Variants in RNF169 observed in about 807,000 individuals in gnomAD.
RNF169 encodes the protein ring finger protein 169, also known as E3 ubiquitin-protein ligase RNF169.
A neutral mutation model predicts 53.9 loss-of-function variants in RNF169; 24 were observed. That is an observed-to-expected ratio of 0.45 (90% CI 0.32 to 0.63). The LOEUF is 0.63. RNF169 is among the 20% of genes least tolerant of loss of function. The probability of loss-of-function intolerance (pLI) is 0.04; values close to 1 mark genes in which losing one functional copy is unlikely to be tolerated. For missense variants in RNF169, 883 were observed against 906.2 expected (o/e 0.97, Z 0.33); for synonymous variants, 396 against 363.5 (o/e 1.09, Z -1.02).
intron 1 of RNF169, among the ~76,000 whole-genome samples, chr11:74,782,817 G>T (rs2035435354): frequency 6.6e-6 from 1 of 151,060 alleles, no homozygotes; most frequent in Non-Finnish European, 1.5e-5. Context: ...ACAAGCTTTT[G>T]AATTCATCAT....
intron 1 of RNF169, among the ~76,000 whole-genome samples, chr11:74,768,566 C>T (rs2035210363): frequency 6.6e-6 from 1 of 150,524 alleles, no homozygotes; most frequent in African/African-American, 2.5e-5. Context: ...GAGATCACGC[C>T]ACTGCACTGC....
At chr11:74,805,755 G>C (rs2135110719) in intron 2 of RNF169, among the ~76,000 whole-genome samples, 1 of 152,132 alleles carries the variant, frequency 6.6e-6, no homozygotes, top group East Asian at 1.9e-4. Flanking sequence ...GAATAAGAGA[G>C]ATTTGAACTA....
In RNF169 at chr11:74,771,672, C is replaced by CTT. The variant is rs1473968700; in HGVS notation, c.503-17953_503-17952insTT. Among the ~76,000 whole-genome samples, 8 of 152,168 alleles carry CTT rather than the reference C, an allele frequency of 5.3e-5. No homozygotes were observed. The East Asian group carries it at 1.5e-3, about 29-fold the overall frequency. ...AGAGCTATGATTGCATCACTAAACT[C>CTT]TAACCTGGGTGACAGGGCAAGACTT... On this transcript the variant is annotated intron_variant, in intron 1 of 5. Coordinates refer to ENST00000299563, the MANE Select transcript of RNF169 (RefSeq NM_001098638.2).
chr11:74,793,508 G>A (rs553141928), intron 2 of RNF169, among the ~76,000 whole-genome samples: 71 of 152,098 alleles, frequency 4.7e-4, no homozygotes, highest in African/African-American at 1.6e-3. Context: ...CTTTTAAAAG[G>A]TATTACTTTA....
chr11:74,822,266 C>T lies in RNF169; in HGVS notation c.842+4552C>T, dbSNP rs139598145. Among the ~76,000 whole-genome samples the T allele has an allele frequency of 1.4e-4, 22 of 152,128 alleles. No homozygotes were observed. In the East Asian group the frequency reaches 4.1e-3, roughly 28 times the overall value. On this transcript the variant is annotated intron_variant, in intron 4 of 5. Coordinates refer to ENST00000299563, the MANE Select transcript of RNF169 (RefSeq NM_001098638.2). Reference sequence around the variant, plus strand: ...TCTAACGTTTTATATCTTGTATGGCCATTTGACACCCTTTAAGCAGTGTTT... The same window carrying T: ...TCTAACGTTTTATATCTTGTATGGCTATTTGACACCCTTTAAGCAGTGTTT...
intron 1 of RNF169, among the ~76,000 whole-genome samples, chr11:74,753,094 G>A (rs531768224): frequency 1.3e-5 from 2 of 152,182 alleles, no homozygotes; most frequent in South Asian, 2.1e-4. Context: ...TCCATCTCCC[G>A]AGTAGCTGGG....
intron 4 of RNF169, among the ~76,000 whole-genome samples, chr11:74,824,790 T>C (rs2036068915): frequency 6.6e-6 from 1 of 152,224 alleles, no homozygotes; most frequent in Non-Finnish European, 1.5e-5. Context: ...ATATCAGCAA[T>C]GTGCAATAAA....
chr11:74,833,102 A>G (rs1156753749), intron 4 of RNF169, among the ~76,000 whole-genome samples: 1 of 152,158 alleles, frequency 6.6e-6, no homozygotes, highest in Non-Finnish European at 1.5e-5. Flanking sequence ...TATTAACACT[A>G]TGTGGCCATA....
intron 1 of RNF169, among the ~76,000 whole-genome samples, chr11:74,757,448 C>T (rs2035003087): frequency 1.4e-5 from 2 of 143,462 alleles, no homozygotes; most frequent in South Asian, 2.3e-4. Context: ...AATAATGCCG[C>T]AGTAAACATA....
At position 74,803,171 on chromosome 11, in the gene RNF169, C is replaced by T. The variant is rs141861023; in HGVS notation, c.577-7013C>T. ...GGTGCAGTCTGCTCACTGCAAGCTCCGCCTCCTGGGTTCATGCTATTCTCC... is the reference window on the plus strand; with the variant it reads ...GGTGCAGTCTGCTCACTGCAAGCTCTGCCTCCTGGGTTCATGCTATTCTCC... On this transcript the variant is annotated intron_variant, in intron 2 of 5. Coordinates refer to ENST00000299563, the MANE Select transcript of RNF169 (RefSeq NM_001098638.2). Among the ~76,000 whole-genome samples, 653 of 151,634 alleles carry T rather than the reference C, an allele frequency of 4.3e-3. 8 individuals are homozygous for T. The highest frequency in any genetic ancestry group is 0.015 in the African/African-American group (617 of 41,098).
At chr11:74,770,531 CAT>C (rs1188783862) in intron 1 of RNF169, among the ~76,000 whole-genome samples, 2 of 152,330 alleles carry the variant, frequency 1.3e-5, no homozygotes, top group African/African-American at 4.8e-5. Context: ...GACATCTAAA[CAT>C]ATCTACCAGT....
chr11:74,785,669 C>G (rs1304966652), intron 1 of RNF169, among the ~76,000 whole-genome samples: 1 of 151,878 alleles, frequency 6.6e-6, no homozygotes, highest in Non-Finnish European at 1.5e-5. Flanking sequence ...AAAAATGATC[C>G]TTAAAGCATT....
intron 2 of RNF169, among the ~76,000 whole-genome samples, chr11:74,799,002 C>T (rs2035690456): frequency 6.7e-6 from 1 of 149,408 alleles, no homozygotes; most frequent in African/African-American, 2.5e-5. Context: ...TGCAGTGAGT[C>T]GTGATTGCAT....
chr11:74,797,409 A>T (rs550075181), intron 2 of RNF169, among the ~76,000 whole-genome samples: 1 of 152,244 alleles, frequency 6.6e-6, no homozygotes, highest in African/African-American at 2.4e-5. Context: ...AAGTAGCTTT[A>T]TTTATCTAGA....
intron 1 of RNF169, among the ~76,000 whole-genome samples, chr11:74,762,236 G>A (rs897774211): frequency 4.0e-5 from 6 of 149,102 alleles, no homozygotes; most frequent in African/African-American, 1.5e-4. Flanking sequence ...CAACTTCTTT[G>A]CCTTTGGTTT....
chr11:74,791,628 C>T (rs776894529), intron 2 of RNF169, among the ~76,000 whole-genome samples: 4 of 152,344 alleles, frequency 2.6e-5, no homozygotes, highest in East Asian at 1.9e-4. Flanking sequence ...GACAGTGCCT[C>T]CCTTGGTCAC....
Position 74,837,062 on chromosome 11 carries a change from T to G in RNF169, c.*332T>G, listed in dbSNP as rs2036268291. Reference sequence around the variant, plus strand: ...GGATACCTTCTTAAACTGATAGACTTCCTGACTTCTTTCAGCAGGGTATTG... The same window carrying G: ...GGATACCTTCTTAAACTGATAGACTGCCTGACTTCTTTCAGCAGGGTATTG... On this transcript the variant is annotated 3_prime_UTR_variant, in exon 6 of 6. Coordinates refer to ENST00000299563, the MANE Select transcript of RNF169 (RefSeq NM_001098638.2). The G allele has an allele frequency of 5.2e-6, 1 of 190,600 alleles. No homozygotes were observed. The highest frequency in any genetic ancestry group is 5.6e-5 in the Admixed American group (1 of 17,958). The allele number at this position is 190,600 out of a possible 1,614,324, so 11.8% of individuals were successfully genotyped here. A position where few individuals can be genotyped will look rare whatever the true frequency, so the allele number is the denominator to read the frequency against.
chr11:74,796,312 C>T (rs579581), intron 2 of RNF169, among the ~76,000 whole-genome samples: 52,264 of 152,060 alleles, frequency 0.34, 11,009 homozygotes, highest in African/African-American at 0.6. Context: ...TCTGGATATA[C>T]ATCTTAATGG....
intron 1 of RNF169, among the ~76,000 whole-genome samples, chr11:74,757,271 G>T (rs1369405451): frequency 8.2e-6 from 1 of 121,766 alleles, no homozygotes; most frequent in Non-Finnish European, 1.7e-5. Context: ...TCTTGCGATA[G>T]TTTACTGAGA....
Sources: allele counts gnomAD v4.1 joint callset (sites outside exome capture counted in the v4.1 genomes callset), GRCh38; gene constraint gnomAD v4.1.1; transcripts MANE v1.5; gene names NCBI Gene and HGNC (gene_info 2026-07-23, HGNC 2026-07-21).